ARID5B: variants seen among roughly 807,000 people sequenced by gnomAD.
ARID5B encodes the protein AT-rich interactive domain-containing protein 5B.
ARID5B carries 13 observed loss-of-function variants against 97.2 expected under a neutral mutation model. The ratio of observed to expected loss-of-function variants is 0.13; its 90% CI spans 0.09 to 0.21. The LOEUF is 0.21. Among genes scored for constraint, ARID5B ranks in the 10% least tolerant of loss-of-function variants. The pLI, the probability that ARID5B is intolerant of heterozygous loss-of-function variation, is 1.00. For synonymous variants in ARID5B, 556 were observed against 570.3 expected (o/e 0.97, Z 0.36); for missense variants, 1,210 against 1,465.3 (o/e 0.83, Z 2.84).
chr10:61,940,243 G>A lies in ARID5B; in HGVS notation c.337G>A (p.Val113Ile). The A allele has an allele frequency of 6.2e-7, 1 of 1,614,188 alleles. No homozygotes were observed. Among genetic ancestry groups the A allele is most frequent in the Non-Finnish European group, 8.5e-7 (1 of 1,180,030 alleles). ...GAAGCTTGAAGACCTGGTCAAGTGG[G>A]TACATTCTGATTTCTCCAAGTGGAG... ...IVKLEDLVKW[V>I]HSDFSKWRCG... The change falls in exon 3 of 10, where the codon GTA becomes ATA. Residue 113 changes from valine to isoleucine, a missense_variant. Physicochemically the swap from Val to Ile is conservative, Grantham distance 29 (BLOSUM62 3). Around this residue, in one of 8 missense-constraint regions of ARID5B, gnomAD observed 82 missense variants for 79.3 expected, o/e 1.03. Coordinates refer to ENST00000279873, the MANE Select transcript of ARID5B (RefSeq NM_032199.3).
intron 2 of ARID5B, among the ~76,000 whole-genome samples, chr10:61,909,002 G>T (rs78918849): frequency 1.3e-5 from 2 of 152,152 alleles, no homozygotes; most frequent in East Asian, 1.9e-4. Flanking sequence ...AGAAAGTACT[G>T]TCTTCATCTT....
intron 2 of ARID5B, among the ~76,000 whole-genome samples, chr10:61,915,954 C>T (rs973335364): frequency 2.6e-5 from 4 of 152,200 alleles, no homozygotes; most frequent in Non-Finnish European, 4.4e-5. Context: ...CTGGGTTTCA[C>T]CATGTTGGTC....
At chr10:61,928,835 T>C (rs1844153782) in intron 2 of ARID5B, among the ~76,000 whole-genome samples, 3 of 152,214 alleles carry the variant, frequency 2.0e-5, no homozygotes, top group Admixed American at 2.0e-4. Flanking sequence ...GTGTGAAACC[T>C]TTTTACTCCC....
rs556777771 is a variant in ARID5B, at chr10:62,067,066, G to T, written c.1102-2634G>T. 2.0e-5 allele frequency among the ~76,000 whole-genome samples: 3 copies of T among 152,122 alleles called. No homozygotes were observed. In the East Asian group the frequency reaches 5.8e-4, roughly 29 times the overall value. Reference sequence around the variant, plus strand: ...TATAATTGAGACTTATTTGTGACTCGGTGGTGAACTTAATATAGAACTTCT... The same window carrying T: ...TATAATTGAGACTTATTTGTGACTCTGTGGTGAACTTAATATAGAACTTCT... On this transcript the variant is annotated intron_variant, in intron 7 of 9. Transcript: ENST00000279873.
intron 4 of ARID5B, among the ~76,000 whole-genome samples, chr10:62,020,050 A>AC (rs1295598457): frequency 6.6e-6 from 1 of 152,084 alleles, no homozygotes; most frequent in Non-Finnish European, 1.5e-5. Context: ...CAAAGAGGCT[A>AC]CCCTAACTTT....
chr10:61,979,502 C>T (rs1317403679), intron 3 of ARID5B, among the ~76,000 whole-genome samples: 1 of 152,162 alleles, frequency 6.6e-6, no homozygotes, highest in Non-Finnish European at 1.5e-5. Flanking sequence ...CACTCCCAGC[C>T]AACACTTCTC....
chr10:61,956,722 T>G (rs1055827202), intron 3 of ARID5B, among the ~76,000 whole-genome samples: 3 of 152,194 alleles, frequency 2.0e-5, no homozygotes, highest in Admixed American at 6.6e-5. Context: ...ACTCTCAAAC[T>G]GTAACTACAT....
At chr10:62,086,323 C>T (rs1485632057) in intron 9 of ARID5B, among the ~76,000 whole-genome samples, 1 of 152,120 alleles carries the variant, frequency 6.6e-6, no homozygotes, top group African/African-American at 2.4e-5. Flanking sequence ...GACATGGTGG[C>T]TCGCGCCTGT....
chr10:62,059,129 A>C, intron 6 of ARID5B, 114 bp from the exon 7 acceptor site: 1 of 771,042 alleles, frequency 1.3e-6, no homozygotes, highest in Non-Finnish European at 2.1e-6. Flanking sequence ...TCTCTGGGGT[A>C]CTTTAGTATT....
intron 9 of ARID5B, 113 bp downstream of exon 9, chr10:62,086,013 G>A: frequency 9.1e-7 from 1 of 1,104,530 alleles, no homozygotes; most frequent in Non-Finnish European, 1.3e-6. Flanking sequence ...GCTTGATGAA[G>A]AAACCAAGAA....
At chr10:61,960,102 G>A (rs1223221016) in intron 3 of ARID5B, among the ~76,000 whole-genome samples, 1 of 152,032 alleles carries the variant, frequency 6.6e-6, no homozygotes, top group Non-Finnish European at 1.5e-5. Context: ...CAGATTGGAG[G>A]GTTTCTTTTT....
At chr10:61,974,199 T>C (rs749205301) in intron 3 of ARID5B, among the ~76,000 whole-genome samples, 22 of 152,188 alleles carry the variant, frequency 1.4e-4, no homozygotes, top group Non-Finnish European at 2.6e-4. Flanking sequence ...CGCAAGACAA[T>C]GAGCATTCTA....
At position 61,926,102 on chromosome 10, in the gene ARID5B, C is replaced by T. The variant is rs559123114; in HGVS notation, c.277-14081C>T. On this transcript the variant is annotated intron_variant, in intron 2 of 9. Coordinates refer to ENST00000279873, the MANE Select transcript of ARID5B (RefSeq NM_032199.3). ...AAGGGAGTCAAATTAAATCTTAGCA[C>T]ATACTTCAGAGTCTATCTTCATTGC... Among the ~76,000 whole-genome samples the T allele has an allele frequency of 2.0e-5, 3 of 152,372 alleles. No individual in the cohort carries two copies. In the East Asian group the frequency reaches 5.8e-4, roughly 29 times the overall value.
At chr10:62,063,527 G>C (rs1257770253) in intron 7 of ARID5B, among the ~76,000 whole-genome samples, 1 of 151,672 alleles carries the variant, frequency 6.6e-6, no homozygotes, top group Non-Finnish European at 1.5e-5. Context: ...AAAAAAAAGA[G>C]GAGCAGAAGT....
intron 4 of ARID5B, among the ~76,000 whole-genome samples, chr10:62,016,394 T>C (rs1367146375): frequency 2.0e-5 from 3 of 152,222 alleles, no homozygotes; most frequent in Non-Finnish European, 4.4e-5. Context: ...ATGTGCCACA[T>C]TGCATATACA....
At chr10:62,065,915 A>G (rs1462711862) in intron 7 of ARID5B, among the ~76,000 whole-genome samples, 3 of 151,918 alleles carry the variant, frequency 2.0e-5, no homozygotes, top group Non-Finnish European at 2.9e-5. Context: ...CTAATATAAT[A>G]GAAGGTCAGG....
At chr10:61,931,783 A>T (rs1016524070) in intron 2 of ARID5B, among the ~76,000 whole-genome samples, 1 of 152,222 alleles carries the variant, frequency 6.6e-6, no homozygotes, top group African/African-American at 2.4e-5. Context: ...ACACAATGAG[A>T]AACTACCACA....
At chr10:62,022,688 A>G (rs1020454797) in intron 4 of ARID5B, among the ~76,000 whole-genome samples, 1 of 152,146 alleles carries the variant, frequency 6.6e-6, no homozygotes, top group African/African-American at 2.4e-5. Context: ...CTGGCTGTGG[A>G]TTTCCTATCA....
intron 2 of ARID5B, among the ~76,000 whole-genome samples, chr10:61,918,090 G>A (rs1026837655): frequency 2.6e-5 from 4 of 152,198 alleles, no homozygotes; most frequent in Non-Finnish European, 5.9e-5. Flanking sequence ...AGAGAGCACA[G>A]GTCTAGTGGG....
Sources: gnomAD v4.1 joint callset for allele counts (sites outside exome capture counted in the v4.1 genomes callset) on GRCh38, gnomAD v4.1.1 for gene constraint, gnomAD v4.1.1 regional missense constraint, MANE v1.5 for transcripts, NCBI Gene and HGNC (gene_info 2026-07-23, HGNC 2026-07-21) for gene names.